TANK: variants seen among roughly 807,000 people sequenced by gnomAD.
TANK encodes TRAF family member associated NFKB activator, also known as TRAF family member-associated NF-kappa-B activator.
In TANK, 15 loss-of-function variants were observed where a neutral mutation model predicts 43.6. The ratio of observed to expected loss-of-function variants is 0.34; its 90% CI spans 0.23 to 0.53. The LOEUF is 0.53. Ranked by LOEUF, TANK falls within the 20% of genes least tolerant of loss-of-function variation. The pLI is 0.94. For synonymous variants in TANK, 162 were observed against 178.2 expected, an observed-to-expected ratio of 0.91 and a Z score of 0.73; for missense variants, 417 against 498.6, an observed-to-expected ratio of 0.84 and a Z score of 1.56.
intron 4 of TANK, among the ~76,000 whole-genome samples, chr2:161,215,804 T>G (rs948083306): frequency 6.6e-6 from 1 of 152,160 alleles, no homozygotes; most frequent in East Asian, 1.9e-4. Context: ...ACTCTGAGCT[T>G]CTCTGCTGCT....
At chr2:161,187,652 A>C (rs1290282185) in intron 2 of TANK, among the ~76,000 whole-genome samples, 1 of 152,170 alleles carries the variant, frequency 6.6e-6, no homozygotes, top group South Asian at 2.1e-4. Context: ...AAACACTTTA[A>C]ATAATGGATA....
Position 161,231,485 on chromosome 2 carries a change from G to A in TANK, c.1035G>A (p.Leu345=). 1 of 1,613,724 alleles carries A rather than the reference G, an allele frequency of 6.2e-7. No individual in the cohort carries two copies. The highest frequency in any genetic ancestry group is 8.5e-7 in the Non-Finnish European group (1 of 1,180,004). ...NALYVNSFPL[L]DPSDAPFPSL... ...TATATGTAAATAGCTTCCCACTTCTGGACCCATCTGATGCACCTTTTCCCT... is the reference window on the plus strand; with the variant it reads ...TATATGTAAATAGCTTCCCACTTCTAGACCCATCTGATGCACCTTTTCCCT... The change falls in exon 7 of 8, where the codon CTG becomes CTA. Residue 345 remains leucine, a synonymous_variant. Transcript: ENST00000392749.
chr2:161,200,792 CT>C (rs398038230), intron 2 of TANK, among the ~76,000 whole-genome samples: 187 of 146,596 alleles, frequency 1.3e-3, no homozygotes, highest in African/African-American at 2.3e-3. Context: ...TCTGATATTT[CT>C]TTTTTTTTTT....
intron 2 of TANK, among the ~76,000 whole-genome samples, chr2:161,189,684 A>G (rs747779789): frequency 1.8e-4 from 27 of 152,344 alleles, no homozygotes; most frequent in Admixed American, 2.6e-4. Flanking sequence ...TAGAACTAAT[A>G]AACAAATTCA....
chr2:161,230,391 T>C (rs893087346), intron 6 of TANK, among the ~76,000 whole-genome samples: 1 of 152,222 alleles, frequency 6.6e-6, no homozygotes, highest in East Asian at 1.9e-4. Context: ...AATCTATTCA[T>C]CCACAGTTTT....
rs570692735 is a variant in TANK at position 161,215,594 on chromosome 2, G to A, written c.328-8321G>A. Among the ~76,000 whole-genome samples the A allele has an allele frequency of 1.8e-4, 27 of 152,112 alleles. 1 individual carries two copies. Among genetic ancestry groups the A allele is most frequent in the South Asian group, 2.1e-4 (1 of 4,820 alleles). Reference sequence around the variant, plus strand: ...CTCTGTTTTTTTAATTTTTAAAGGCGCAAGACTGTATCTGGGATCTGAAAT... The same window carrying A: ...CTCTGTTTTTTTAATTTTTAAAGGCACAAGACTGTATCTGGGATCTGAAAT... On this transcript the variant is annotated intron_variant, in intron 4 of 7. Coordinates refer to ENST00000392749, the MANE Select transcript of TANK (RefSeq NM_001199135.3).
Position 161,207,485 on chromosome 2 carries a change from C to T in TANK, c.327+2692C>T. 3.0e-6 allele frequency: 3 copies of T among 984,274 alleles called. No homozygotes were observed. In the South Asian group the frequency reaches 1.4e-4, roughly 46 times the overall value. The allele number at this position is 984,274 out of a possible 1,614,324, so 61.0% of individuals were successfully genotyped here. A position where few individuals can be genotyped will look rare whatever the true frequency, so the allele number is the denominator to read the frequency against. On this transcript the variant is annotated intron_variant, in intron 4 of 7. Coordinates refer to ENST00000392749, the MANE Select transcript of TANK (RefSeq NM_001199135.3). ...TTCAGCTTTCTCTTTTTTTATGTAT[C>T]TCTAGCCAAAGTGCTAATGAGCACT...
intron 7 of TANK, among the ~76,000 whole-genome samples, chr2:161,232,190 C>T (rs983826551): frequency 1.3e-5 from 2 of 151,990 alleles, no homozygotes; most frequent in Non-Finnish European, 2.9e-5. Context: ...ACTAATATCC[C>T]CCAAACCACT....
At chr2:161,233,827 T>G (rs909199781) in intron 7 of TANK, among the ~76,000 whole-genome samples, 2 of 152,088 alleles carry the variant, frequency 1.3e-5, no homozygotes, top group East Asian at 3.8e-4. Flanking sequence ...CATATCAATT[T>G]CCCATTACAG....
chr2:161,184,148 A>G (rs867399908), intron 2 of TANK, among the ~76,000 whole-genome samples: 9 of 152,316 alleles, frequency 5.9e-5, no homozygotes, highest in African/African-American at 2.2e-4. Flanking sequence ...TTCAAAGAGA[A>G]TGATGGGACA....
chr2:161,189,453 G>A (rs1685815017), intron 2 of TANK, among the ~76,000 whole-genome samples: 1 of 152,140 alleles, frequency 6.6e-6, no homozygotes, highest in African/African-American at 2.4e-5. Flanking sequence ...TCATACTCCA[G>A]AGTGAAAGAC....
intron 6 of TANK, among the ~76,000 whole-genome samples, chr2:161,227,318 TC>T (rs1271273492): frequency 6.6e-6 from 1 of 152,224 alleles, no homozygotes; most frequent in African/African-American, 2.4e-5. Flanking sequence ...CGGGGATAGA[TC>T]AACTGCTAGA....
At chr2:161,197,117 G>C (rs754849849) in intron 2 of TANK, among the ~76,000 whole-genome samples, 2 of 152,150 alleles carry the variant, frequency 1.3e-5, no homozygotes, top group Non-Finnish European at 2.9e-5. Context: ...CAAAGTAAGG[G>C]ATGATACTGC....
At chr2:161,235,240 A>G in intron 7 of TANK, 102 bp from the exon 8 acceptor site, 2 of 978,726 alleles carry the variant, frequency 2.0e-6, no homozygotes, top group East Asian at 2.7e-5. Flanking sequence ...AGGGAATTCA[A>G]TATATATGCC....
intron 1 of TANK, among the ~76,000 whole-genome samples, chr2:161,173,591 GCTTATAC>G (rs1284305516): frequency 6.6e-6 from 1 of 152,012 alleles, no homozygotes; most frequent in Non-Finnish European, 1.5e-5. Flanking sequence ...GTCTACAAAT[GCTTATAC>G]CTGTGCTACA....
intron 1 of TANK, among the ~76,000 whole-genome samples, chr2:161,145,122 T>C (rs1683868492): frequency 1.4e-5 from 2 of 146,988 alleles, no homozygotes; most frequent in South Asian, 4.3e-4. Flanking sequence ...AGACTAGGAC[T>C]GCAACCCCTG....
intron 1 of TANK, chr2:161,162,624 T>C (rs1280550310): frequency 6.6e-6 from 1 of 152,132 alleles, no homozygotes; most frequent in Non-Finnish European, 1.5e-5. Flanking sequence ...GTTTTTATTA[T>C]GTCATCATTA....
intron 6 of TANK, among the ~76,000 whole-genome samples, chr2:161,228,732 G>A (rs186282191): frequency 6.6e-6 from 1 of 152,164 alleles, no homozygotes; most frequent in East Asian, 1.9e-4. Context: ...GCAACCTCCG[G>A]TCCTGCAAAT....
intron 1 of TANK, among the ~76,000 whole-genome samples, chr2:161,137,502 G>C (rs1412307212): frequency 6.6e-6 from 1 of 152,098 alleles, no homozygotes; most frequent in East Asian, 1.9e-4. Flanking sequence ...TCTGGAATGA[G>C]AGCCTTCTCC....
Sources: allele counts gnomAD v4.1 joint callset (sites outside exome capture counted in the v4.1 genomes callset), GRCh38; gene constraint gnomAD v4.1.1; transcripts MANE v1.5; gene names NCBI Gene and HGNC (gene_info 2026-07-23, HGNC 2026-07-21).